The following BRCA2 variants were observed in gnomAD, a reference collection of about 807,000 sequenced individuals.
BRCA2 encodes breast cancer type 2 susceptibility protein.
BRCA2 carries 203 observed loss-of-function variants against 276.7 expected under a neutral mutation model. The observed-to-expected ratio is 0.73, with a 90% confidence interval of 0.65 to 0.82. BRCA2 has a LOEUF of 0.82. Among genes scored for constraint, BRCA2 ranks in the 40% least tolerant of loss-of-function variants. The pLI is 0.00. For synonymous variants in BRCA2, 1,289 were observed against 1,338.4 expected (o/e 0.96, Z 0.81); for missense variants, 3,920 against 3,915.0 (o/e 1.00, Z -0.03).
In BRCA2 at chr13:32,373,846, C is replaced by A. The variant is rs569804616; in HGVS notation, c.8632+2746C>A. Reference sequence around the variant, plus strand: ...CAACCCCGTATTTCCCTCACAGTTTCCCTCCCGGTTTCCCTCCTGTACTGC... The same window carrying A: ...CAACCCCGTATTTCCCTCACAGTTTACCTCCCGGTTTCCCTCCTGTACTGC... On this transcript the variant is annotated intron_variant, in intron 20 of 26. Transcript: ENST00000380152. 1.2e-3 allele frequency among the ~76,000 whole-genome samples: 189 copies of A among 152,352 alleles called. 1 individual carries two copies. Among genetic ancestry groups the A allele is most frequent in the Middle Eastern group, 6.8e-3 (2 of 292 alleles).
At chr13:32,333,487 A>G (rs2072426707) in intron 10 of BRCA2, 100 bp downstream of exon 10, 2 of 1,305,278 alleles carry the variant, frequency 1.5e-6, no homozygotes, top group Admixed American at 4.6e-5. Flanking sequence ...CATATCTTAT[A>G]TTTAATCTTA....
intron 24 of BRCA2, among the ~76,000 whole-genome samples, chr13:32,388,087 C>T (rs1250111702): frequency 2.0e-5 from 3 of 151,276 alleles, no homozygotes; most frequent in Non-Finnish European, 4.4e-5. Context: ...CCCGCTAAGC[C>T]GCATAGGGCT....
At position 32,396,337 on chromosome 13, in the gene BRCA2, C is replaced by G. The variant is rs1207665784; in HGVS notation, c.9502-561C>G. On this transcript the variant is annotated intron_variant, in intron 25 of 26. Transcript: ENST00000380152. The stretch of plus-strand genomic sequence containing the variant: ...GCTGAAGAGACAACTGTCATTTACA[C>G]AGCATTTTAAAGTTTTACAAAATAC... Among the ~76,000 whole-genome samples the G allele has an allele frequency of 4.6e-5, 7 of 152,160 alleles. No individual in the cohort carries two copies. In the East Asian group the frequency reaches 1.3e-3, roughly 29 times the overall value.
chr13:32,321,542 A>G (rs1397096202), intron 3 of BRCA2, among the ~76,000 whole-genome samples: 1 of 152,178 alleles, frequency 6.6e-6, no homozygotes, highest in Non-Finnish European at 1.5e-5. Flanking sequence ...TTGATCTATA[A>G]CCAAGGAAGG....
At chr13:32,376,521 CAA>C (rs200156944) in intron 20 of BRCA2, 147 bp from the exon 21 acceptor site, 7,496 of 688,738 alleles carry the variant, frequency 0.011, no homozygotes, top group Non-Finnish European at 0.012. Flanking sequence ...GACCCTGTCT[CAA>C]AAAAAAAAAA....
At chr13:32,371,197 A>C in intron 20 of BRCA2, 97 bp downstream of exon 20, 2 of 1,321,936 alleles carry the variant, frequency 1.5e-6, no homozygotes, top group Non-Finnish European at 2.1e-6. Flanking sequence ...AATTGTTTTT[A>C]TTTTGAGTAG....
At position 32,337,619 on chromosome 13, in the gene BRCA2, T is replaced by C. The variant is rs36060526; in HGVS notation, c.3264T>C (p.Pro1088=). 1.3e-3 allele frequency: 2,099 copies of C among 1,589,920 alleles called. 24 individuals are homozygous for C. In the African/African-American group the frequency reaches 0.025, roughly 19 times the overall value. The part of the protein sequence containing the change: ...VSDCKNSHIT[P]QMLFSKQDFN... ...ATTGTAAAAATAGTCATATAACCCC[T>C]CAGATGTTATTTTCCAAGCAGGATT... Residue 1088 remains proline (P), a synonymous_variant, in exon 11 of 27, where the codon CCT becomes CCC. Coordinates refer to ENST00000380152, the MANE Select transcript of BRCA2 (RefSeq NM_000059.4).
chr13:32,362,404 C>T, intron 16 of BRCA2, 119 bp from the exon 17 acceptor site: 1 of 938,674 alleles, frequency 1.1e-6, no homozygotes, highest in Non-Finnish European at 1.6e-6. Context: ...ATCATATGAA[C>T]TCATAAAAAC....
chr13:32,359,314 A>G (rs1374436414), intron 16 of BRCA2, among the ~76,000 whole-genome samples: 1 of 152,008 alleles, frequency 6.6e-6, no homozygotes, highest in Admixed American at 6.6e-5. Flanking sequence ...GTTTTCTTTC[A>G]TTATATATTT....
chr13:32,388,641 A>AG (rs1181927052), intron 24 of BRCA2, among the ~76,000 whole-genome samples: 1 of 149,266 alleles, frequency 6.7e-6, no homozygotes, highest in Non-Finnish European at 1.5e-5. Flanking sequence ...TATGCTCAGT[A>AG]GGTTAAATGT....
chr13:32,333,304 A>G lies in BRCA2; in HGVS notation c.1826A>G (p.Gln609Arg), dbSNP rs80358473. 1.9e-6 allele frequency: 3 copies of G among 1,606,192 alleles called. No homozygotes were observed. The highest frequency in any genetic ancestry group is 2.2e-5 in the East Asian group (1 of 44,840). Residue 609 changes from glutamine to arginine, a missense_variant, in exon 10 of 27, where the codon CAA becomes CGA. Physicochemically the swap from Gln to Arg is conservative, Grantham distance 43. This residue lies in a region of BRCA2 where 3,263 missense variants were observed against 3,156.9 expected (regional missense o/e 1.03). Transcript: ENST00000380152. ...SYKGKKIPKDQKSELINCSAQ... is the reference protein window; with the variant it reads ...SYKGKKIPKDRKSELINCSAQ... ...AAAGGAAAAAAAATACCGAAAGACC[A>G]AAAATCAGAACTAATTAACTGTTCA...
At chr13:32,357,048 T>C (rs1030338259) in intron 15 of BRCA2, among the ~76,000 whole-genome samples, 1 of 152,240 alleles carries the variant, frequency 6.6e-6, no homozygotes. Context: ...CATTAATAGC[T>C]AACTTTGAGC....
At chr13:32,375,443 A>G (rs1468700816) in intron 20 of BRCA2, 12 of 431,356 alleles carry the variant, frequency 2.8e-5, no homozygotes, top group Non-Finnish European at 4.6e-5. Context: ...ACTTCCCATG[A>G]AACACTAGTG....
At position 32,398,701 on chromosome 13, in the gene BRCA2, T is replaced by C. The variant is rs776043746; in HGVS notation, c.10188T>C (p.Ser3396=). Residue 3396 remains serine (S), a synonymous_variant, in exon 27 of 27, where the codon AGT becomes AGC. Coordinates refer to ENST00000380152, the MANE Select transcript of BRCA2 (RefSeq NM_000059.4). The part of the protein sequence containing the change: ...CTTSLIKEQE[S]SQASTEECEK... ...CATCTCTGATCAAAGAACAGGAGAG[T>C]TCCCAGGCCAGTACGGAAGAATGTG... 32 of 1,613,768 alleles carry C rather than the reference T, an allele frequency of 2.0e-5. No individual in the cohort carries two copies. The highest frequency in any genetic ancestry group is 2.5e-5 in the Non-Finnish European group (30 of 1,179,906).
rs397507397 is a variant in BRCA2 at position 32,363,429 on chromosome 13, G to C, written c.8227G>C (p.Gly2743Arg). 1 of 1,614,150 alleles carries C rather than the reference G, an allele frequency of 6.2e-7. No homozygotes were observed. The highest frequency in any genetic ancestry group is 8.5e-7 in the Non-Finnish European group (1 of 1,180,028). ...TCCCCTCTTAGCTGTCTTAAAGAATGGCAGACTGACAGTTGGTCAGAAGAT... is the reference window on the plus strand; with the variant it reads ...TCCCCTCTTAGCTGTCTTAAAGAATCGCAGACTGACAGTTGGTCAGAAGAT... The part of the protein sequence containing the change: ...DPPLLAVLKN[G>R]RLTVGQKIIL... The change falls in exon 18 of 27, where the codon GGC (glycine) becomes CGC (arginine). Residue 2743 changes from glycine to arginine, a missense_variant. This residue lies in a region of BRCA2 where 3,263 missense variants were observed against 3,156.9 expected (regional missense o/e 1.03). Coordinates refer to ENST00000380152, the MANE Select transcript of BRCA2 (RefSeq NM_000059.4).
chr13:32,315,988 T>C (rs2072254318), intron 1 of BRCA2, among the ~76,000 whole-genome samples: 1 of 152,224 alleles, frequency 6.6e-6, no homozygotes. Flanking sequence ...ACGATCACTT[T>C]AACGGAATAT....
rs80358914 is a variant in BRCA2 at position 32,344,608 on chromosome 13, G to A, written c.6892G>A (p.Glu2298Lys). 2.5e-6 allele frequency: 4 copies of A among 1,582,670 alleles called. No homozygotes were observed. Among genetic ancestry groups the A allele is most frequent in the Non-Finnish European group, 1.7e-6 (2 of 1,152,216 alleles). The change falls in exon 12 of 27, where the codon GAA (glutamate) becomes AAA (lysine). Residue 2298 changes from glutamate to lysine, a missense_variant. Physicochemically the swap from Glu to Lys is moderately conservative, Grantham distance 56. This residue lies in a region of BRCA2 where 3,263 missense variants were observed against 3,156.9 expected (regional missense o/e 1.03). Transcript: ENST00000380152. ...ATTAAATGAATTTGACAGGATAATA[G>A]AAAATCAAGAAAAATCCTTAAAGGC... Reference protein sequence around the residue: ...NLLNEFDRIIENQEKSLKASK... With the variant: ...NLLNEFDRIIKNQEKSLKASK...
intron 21 of BRCA2, 23 bp downstream of exon 21, chr13:32,376,814 A>G (rs1566251567): frequency 6.2e-7 from 1 of 1,613,174 alleles, no homozygotes; most frequent in Non-Finnish European, 8.5e-7. Context: ...GAGGACATAT[A>G]ATGAGGCTTG....
In BRCA2 at chr13:32,316,484, GC is replaced by G. The variant is rs80359343; in HGVS notation, c.26del (p.Pro9GlnfsTer16). ...AAATGCCTATTGGATCCAAAGAGAG[GC>G]CAACATTTTTTGAAATTTTTAAGAC... Reference protein sequence around the residue: MPIGSKERPTFFEIFKTRC... With the variant: MPIGSKERXTFFEIFKTRC... On this transcript the variant is annotated frameshift_variant, in exon 2 of 27. Transcript: ENST00000380152. LOFTEE classifies it high-confidence loss of function. The G allele has an allele frequency of 1.9e-6, 3 of 1,613,836 alleles. No homozygotes were observed. Among genetic ancestry groups the G allele is most frequent in the Non-Finnish European group, 2.5e-6 (3 of 1,179,898 alleles).
Sources: gnomAD v4.1 joint callset for allele counts (sites outside exome capture counted in the v4.1 genomes callset) on GRCh38, gnomAD v4.1.1 for gene constraint, gnomAD v4.1.1 regional missense constraint, MANE v1.5 for transcripts, NCBI Gene and HGNC (gene_info 2026-07-23, HGNC 2026-07-21) for gene names.